The following FAM83B variants were observed in gnomAD, a reference collection of about 807,000 sequenced individuals.
FAM83B encodes the protein protein FAM83B.
Under a neutral mutation model 38.8 loss-of-function variants are expected in FAM83B, and 26 were observed. That is an observed-to-expected ratio of 0.67 (90% CI 0.49 to 0.93). FAM83B has a LOEUF of 0.93. FAM83B is among the 40% of genes least tolerant of loss of function. The pLI, the probability that FAM83B is intolerant of heterozygous loss-of-function variation, is 0.00. For missense variants in FAM83B, 1,237 were observed against 1,197.3 expected (o/e 1.03, Z -0.49); for synonymous variants, 419 against 423.1 (o/e 0.99, Z 0.12).
At chr6:54,907,627 A>AG (rs1210257930) in intron 2 of FAM83B, among the ~76,000 whole-genome samples, 1 of 137,520 alleles carries the variant, frequency 7.3e-6, no homozygotes, top group Non-Finnish European at 1.5e-5. Flanking sequence ...TGTTTTATGA[A>AG]GATTTTTTTT....
intron 2 of FAM83B, among the ~76,000 whole-genome samples, chr6:54,896,205 AAAAC>A (rs1470718366): frequency 2.0e-5 from 3 of 152,148 alleles, no homozygotes; most frequent in Non-Finnish European, 2.9e-5. Flanking sequence ...GCATAGGTTT[AAAAC>A]AAACAAAGGA....
chr6:54,850,831 C>T (rs1356454050), intron 1 of FAM83B, among the ~76,000 whole-genome samples: 1 of 151,730 alleles, frequency 6.6e-6, no homozygotes, highest in Admixed American at 6.6e-5. Context: ...CCAGCCTGGC[C>T]AAGGTGGTGA....
chr6:54,900,539 A>C (rs1221448088), intron 2 of FAM83B, among the ~76,000 whole-genome samples: 1 of 152,234 alleles, frequency 6.6e-6, no homozygotes, highest in African/African-American at 2.4e-5. Flanking sequence ...AATATTCAAA[A>C]TGAAGCATTT....
intron 1 of FAM83B, among the ~76,000 whole-genome samples, chr6:54,865,632 A>G (rs1203201135): frequency 6.6e-6 from 1 of 152,174 alleles, no homozygotes; most frequent in East Asian, 1.9e-4. Context: ...TATTTGTTTC[A>G]GTCAAAATTC....
At chr6:54,881,716 A>G (rs1269371901) in intron 2 of FAM83B, among the ~76,000 whole-genome samples, 4 of 152,230 alleles carry the variant, frequency 2.6e-5, no homozygotes, top group African/African-American at 9.6e-5. Flanking sequence ...TTTGGTGACC[A>G]TAAGGACTGA....
chr6:54,876,322 T>C (rs1771995081), intron 2 of FAM83B, among the ~76,000 whole-genome samples: 2 of 125,468 alleles, frequency 1.6e-5, no homozygotes, highest in African/African-American at 5.9e-5. Flanking sequence ...TATATATATG[T>C]TTTTGTTTTT....
chr6:54,850,390 A>G lies in FAM83B; in HGVS notation c.-61+3564A>G, dbSNP rs1235452958. Among the ~76,000 whole-genome samples the G allele has an allele frequency of 2.0e-5, 3 of 152,338 alleles. No homozygotes were observed. The East Asian group carries it at 5.8e-4, about 29-fold the overall frequency. ...GTGATCACTTCTTATTGAGAGTATC[A>G]TAAAATAATGTTAACTAAGGTTTCC... On this transcript the variant is annotated intron_variant, in intron 1 of 4. Coordinates refer to ENST00000306858, the MANE Select transcript of FAM83B (RefSeq NM_001010872.3).
chr6:54,926,292 C>A, intron 2 of FAM83B, 79 bp from the exon 3 acceptor site: 3 of 867,900 alleles, frequency 3.5e-6, no homozygotes, highest in Non-Finnish European at 5.2e-6. Flanking sequence ...TTTTATCTGA[C>A]CTTTACTGAA....
At chr6:54,851,971 C>T (rs569369713) in intron 1 of FAM83B, among the ~76,000 whole-genome samples, 6 of 142,374 alleles carry the variant, frequency 4.2e-5, no homozygotes, top group Admixed American at 2.1e-4. Flanking sequence ...TTAGTAGGGA[C>T]GGAGTTTCAC....
chr6:54,854,221 T>C (rs1461762549), intron 1 of FAM83B, among the ~76,000 whole-genome samples: 1 of 152,342 alleles, frequency 6.6e-6, no homozygotes, highest in East Asian at 1.9e-4. Context: ...ATGAACATTG[T>C]TAAAGTGACA....
At chr6:54,892,749 TG>T (rs1772436193) in intron 2 of FAM83B, among the ~76,000 whole-genome samples, 1 of 151,256 alleles carries the variant, frequency 6.6e-6, no homozygotes, top group South Asian at 2.1e-4. Flanking sequence ...CAAATTTAAA[TG>T]TTACATGTGA....
chr6:54,880,441 C>CTTTTTTTTTTTT (rs1180941250), intron 2 of FAM83B, among the ~76,000 whole-genome samples: 1 of 106,216 alleles, frequency 9.4e-6, no homozygotes, highest in Non-Finnish European at 1.8e-5. Context: ...TAGAAGGTTT[C>CTTTTTTTTTTTT]TTTTTTTTTT....
intron 2 of FAM83B, among the ~76,000 whole-genome samples, chr6:54,890,246 CT>C (rs1772370722): frequency 6.6e-6 from 1 of 151,832 alleles, no homozygotes; most frequent in Non-Finnish European, 1.5e-5. Context: ...GTACACCAAC[CT>C]TTTGCTAAGT....
chr6:54,941,654 C>T lies in FAM83B; in HGVS notation c.2683C>T (p.Gln895Ter). The change falls in exon 5 of 5, where the codon CAA becomes TAA. Residue 895 changes from glutamine (Q) to a stop codon, truncating the protein, a stop_gained. Coordinates refer to ENST00000306858, the MANE Select transcript of FAM83B (RefSeq NM_001010872.3). LOFTEE classifies it high-confidence loss of function. The stretch of plus-strand genomic sequence containing the variant: ...CCCAAGATTTAACACTGAACAGATC[C>T]AATACCGAGATTCAAGGGAGATTAA... ...SAPRFNTEQI[Q>*]YRDSREINAV... 2 of 1,614,034 alleles carry T rather than the reference C, an allele frequency of 1.2e-6. No homozygotes were observed. The highest frequency in any genetic ancestry group is 1.7e-6 in the Non-Finnish European group (2 of 1,179,998).
Position 54,941,570 on chromosome 6 carries a change from ACACCTTCTCCAGGTC to A in FAM83B, c.2602_2616del (p.Pro868_Pro872del), listed in dbSNP as rs762562823. ...TGCTCCACCAGATGAAAATAAAAGA[ACACCTTCTCCAGGTC>A]CAGTTGAAAGCAAGTTCTTGGAAAG... On this transcript the variant is annotated inframe_deletion, in exon 5 of 5. Coordinates refer to ENST00000306858, the MANE Select transcript of FAM83B (RefSeq NM_001010872.3). 2 of 1,614,068 alleles carry A rather than the reference ACACCTTCTCCAGGTC, an allele frequency of 1.2e-6. No homozygotes were observed. The highest frequency in any genetic ancestry group is 8.5e-7 in the Non-Finnish European group (1 of 1,180,014).
chr6:54,858,508 T>C (rs1771498424), intron 1 of FAM83B, among the ~76,000 whole-genome samples: 2 of 152,216 alleles, frequency 1.3e-5, no homozygotes, highest in Admixed American at 1.3e-4. Flanking sequence ...TATAGTTACT[T>C]CAATTTCACC....
intron 4 of FAM83B, among the ~76,000 whole-genome samples, chr6:54,931,043 C>G (rs1773409179): frequency 6.6e-6 from 1 of 151,848 alleles, no homozygotes; most frequent in African/African-American, 2.4e-5. Context: ...TCCTTTGTGA[C>G]TTCTTCTTTG....
chr6:54,915,953 A>T (rs535064652), intron 2 of FAM83B, among the ~76,000 whole-genome samples: 1 of 151,808 alleles, frequency 6.6e-6, no homozygotes, highest in African/African-American at 2.4e-5. Flanking sequence ...GTTGTGCCTT[A>T]TAGAATCCAT....
At chr6:54,883,283 T>G (rs1195528832) in intron 2 of FAM83B, among the ~76,000 whole-genome samples, 2 of 151,280 alleles carry the variant, frequency 1.3e-5, no homozygotes, top group Admixed American at 6.6e-5. Context: ...ATGAGATATA[T>G]TCTTCATTTT....
Sources: allele counts gnomAD v4.1 joint callset (sites outside exome capture counted in the v4.1 genomes callset), GRCh38; gene constraint gnomAD v4.1.1; transcripts MANE v1.5; gene names NCBI Gene and HGNC (gene_info 2026-07-23, HGNC 2026-07-21).